The following ATP2B3 variants were observed in gnomAD, a reference collection of about 807,000 sequenced individuals.
ATP2B3 encodes the protein ATPase plasma membrane Ca2+ transporting 3.
ATP2B3 carries 12 observed loss-of-function variants against 70.8 expected under a neutral mutation model. The observed-to-expected ratio is 0.17, with a 90% CI of 0.11 to 0.27. ATP2B3 has a LOEUF of 0.27. ATP2B3 is among the 10% of genes least tolerant of loss of function. The probability of loss-of-function intolerance (pLI) is 1.00; values close to 1 mark genes in which losing one functional copy is unlikely to be tolerated. For missense variants in ATP2B3, 858 were observed against 1,118.5 expected, an observed-to-expected ratio of 0.77 and a Z score of 3.32; for synonymous variants, 460 against 497.8, an observed-to-expected ratio of 0.92 and a Z score of 1.01.
rs782067062 is a variant in ATP2B3 at position 153,576,024 on chromosome X, G to C, written c.3343-3954G>C. 1.4e-4 allele frequency among the ~76,000 whole-genome samples: 16 copies of C among 112,093 alleles called. No individual in the cohort carries two copies. In the South Asian group the frequency reaches 4.9e-3, roughly 34 times the overall value. On this transcript the variant is annotated intron_variant, in intron 21 of 21. Coordinates refer to ENST00000263519, the MANE Select transcript of ATP2B3 (RefSeq NM_001001344.3). ...CCAGCCCAACCTGACCCTCCTAGGG[G>C]CATCTCTCCCGGAAGAGTGCTTTCA...
At chrX:153,518,169 G>A (rs2089904672) in intron 1 of ATP2B3, among the ~76,000 whole-genome samples, 1 of 112,929 alleles carries the variant, frequency 8.9e-6, no homozygotes, top group Admixed American at 9.2e-5. Flanking sequence ...AGGCCCTTGG[G>A]GGCTGCGGGC....
At chrX:153,571,770 A>G (rs1383353247) in intron 21 of ATP2B3, among the ~76,000 whole-genome samples, 1 of 112,717 alleles carries the variant, frequency 8.9e-6, no homozygotes, top group East Asian at 2.8e-4. Flanking sequence ...GCGGATAGCC[A>G]GAAGGAGGGC....
intron 21 of ATP2B3, among the ~76,000 whole-genome samples, chrX:153,573,148 G>T (rs1451299262): frequency 1.8e-5 from 2 of 112,569 alleles, no homozygotes; most frequent in African/African-American, 6.5e-5. Flanking sequence ...GCCACCGGGG[G>T]TCCCTCCGGG....
chrX:153,532,183 T>C (rs1038732157), intron 2 of ATP2B3, among the ~76,000 whole-genome samples: 20 of 112,399 alleles, frequency 1.8e-4, no homozygotes, highest in African/African-American at 6.5e-4. Context: ...AACATGTCTG[T>C]CAAGAGCTGG....
chrX:153,580,517 C>A lies in ATP2B3; in HGVS notation c.*219C>A. ...GGCTCCTCATCCGGACTGAGGAAGA[C>A]GAGGACAGGGAGGAGGAAAAGGAGG... On this transcript the variant is annotated 3_prime_UTR_variant, in exon 22 of 22. Coordinates refer to ENST00000263519, the MANE Select transcript of ATP2B3 (RefSeq NM_001001344.3). The A allele has an allele frequency of 2.7e-6, 1 of 373,023 alleles. No homozygotes were observed. The highest frequency in any genetic ancestry group is 4.6e-6 in the Non-Finnish European group (1 of 216,797). The allele number at this position is 373,023 out of a possible 1,213,427, so 30.7% of individuals were successfully genotyped here. A position where few individuals can be genotyped will look rare whatever the true frequency, so the allele number is the denominator to read the frequency against.
At chrX:153,562,527 A>G (rs1181331670) in intron 20 of ATP2B3, among the ~76,000 whole-genome samples, 1 of 112,340 alleles carries the variant, frequency 8.9e-6, no homozygotes, top group Non-Finnish European at 1.9e-5. Context: ...TTGGGTGGGT[A>G]GCTTGGGAAA....
At chrX:153,536,746 C>G (rs1368516313) in intron 3 of ATP2B3, among the ~76,000 whole-genome samples, 2 of 112,348 alleles carry the variant, frequency 1.8e-5, no homozygotes, top group Non-Finnish European at 3.8e-5. Flanking sequence ...GAAACCCTTC[C>G]GAGGAACAGG....
chrX:153,560,522 G>A (rs1337494552), intron 18 of ATP2B3, among the ~76,000 whole-genome samples, 154 bp from the exon 19 acceptor site: 3 of 111,765 alleles, frequency 2.7e-5, no homozygotes, highest in African/African-American at 9.8e-5. Context: ...AGCCTGGGGT[G>A]GGTGTGGCTG....
chrX:153,552,974 A>G, intron 12 of ATP2B3, 61 bp from the exon 13 acceptor site: 1 of 1,005,363 alleles, frequency 9.9e-7, no homozygotes, highest in Non-Finnish European at 1.4e-6. Context: ...CAGTGTGACC[A>G]GCGCTGTTCC....
chrX:153,536,502 TCA>T, intron 3 of ATP2B3, 47 bp downstream of exon 3: 1 of 1,153,251 alleles, frequency 8.7e-7, no homozygotes, highest in Admixed American at 2.6e-5. Context: ...CTCCCAGCCT[TCA>T]GAGGAGCGAC....
At chrX:153,572,417 C>T (rs1474046992) in intron 21 of ATP2B3, among the ~76,000 whole-genome samples, 1 of 112,767 alleles carries the variant, frequency 8.9e-6, no homozygotes, top group Admixed American at 9.3e-5. Flanking sequence ...GACCTCAGGT[C>T]CTCCAGAGAG....
At chrX:153,575,788 C>T (rs1180441818) in intron 21 of ATP2B3, among the ~76,000 whole-genome samples, 1 of 111,820 alleles carries the variant, frequency 8.9e-6, no homozygotes, top group African/African-American at 3.2e-5. Context: ...GAGGGGCCCT[C>T]GGGTGTCAGG....
chrX:153,546,274 C>T, intron 8 of ATP2B3, 145 bp downstream of exon 8: 12 of 723,566 alleles, frequency 1.7e-5, no homozygotes, highest in Middle Eastern at 4.3e-4. Context: ...TGCACAGTCC[C>T]GTCCCAGTGC....
chrX:153,565,338 G>A (rs1265549425), intron 21 of ATP2B3, among the ~76,000 whole-genome samples: 2 of 113,429 alleles, frequency 1.8e-5, no homozygotes, highest in Non-Finnish European at 3.7e-5. Flanking sequence ...CAGAGCCCAG[G>A]CATCCCCTGT....
intron 13 of ATP2B3, 101 bp downstream of exon 13, chrX:153,553,370 G>A (rs2090487051): frequency 2.8e-6 from 2 of 717,705 alleles, no homozygotes; most frequent in Non-Finnish European, 4.1e-6. Flanking sequence ...CAGCTGCTGC[G>A]GTCCCTCCGT....
intron 21 of ATP2B3, among the ~76,000 whole-genome samples, chrX:153,570,753 G>A (rs1295439089): frequency 1.8e-5 from 2 of 111,211 alleles, no homozygotes; most frequent in African/African-American, 3.3e-5. Context: ...CCCCCGAAGC[G>A]CTCCCCTCTG....
chrX:153,562,011 C>A, intron 19 of ATP2B3, 124 bp from the exon 20 acceptor site: 1 of 612,551 alleles, frequency 1.6e-6, no homozygotes, highest in Non-Finnish European at 2.8e-6. Context: ...GTGGTCCTCT[C>A]GCAAGGAGCA....
chrX:153,550,392 T>C (rs1218969462), intron 12 of ATP2B3, 106 bp downstream of exon 12: 4 of 1,111,774 alleles, frequency 3.6e-6, no homozygotes, highest in Non-Finnish European at 4.8e-6. Flanking sequence ...CACTTTACAG[T>C]GTACAGTTGA....
chrX:153,542,570 C>A (rs1432012980), intron 6 of ATP2B3, 122 bp downstream of exon 6: 6 of 976,603 alleles, frequency 6.1e-6, no homozygotes, highest in Admixed American at 3.4e-5. Flanking sequence ...TCCAGCATAA[C>A]CTTCAGGTTG....
Sources: gnomAD v4.1 joint callset for allele counts (sites outside exome capture counted in the v4.1 genomes callset) on GRCh38, gnomAD v4.1.1 for gene constraint, MANE v1.5 for transcripts, NCBI Gene and HGNC (gene_info 2026-07-23, HGNC 2026-07-21) for gene names.